Variants in RCOR3 observed in about 807,000 individuals in gnomAD.
The protein encoded by RCOR3 is REST corepressor 3.
In RCOR3, 13 loss-of-function variants were observed where a neutral mutation model predicts 64.1. That is an observed-to-expected ratio of 0.20 (90% confidence interval 0.13 to 0.32). The LOEUF is 0.32. RCOR3 is among the 10% of genes least tolerant of loss of function. The probability of loss-of-function intolerance (pLI) is 1.00; values close to 1 mark genes in which losing one functional copy is unlikely to be tolerated. For missense variants in RCOR3, 489 were observed against 701.2 expected, an observed-to-expected ratio of 0.70 and a Z score of 3.42; for synonymous variants, 215 against 239.0, an observed-to-expected ratio of 0.90 and a Z score of 0.93.
At chr1:211,271,560 T>C in intron 3 of RCOR3, 1 of 569,372 alleles carries the variant, frequency 1.8e-6, no homozygotes, top group Non-Finnish European at 3.3e-6. Context: ...TAGGATCTGA[T>C]GGCATTGCTG....
Position 211,259,381 on chromosome 1 carries a change from C to T in RCOR3, c.-180C>T. ...GCCGGGGCGGGTTGTTGTGAGGCGA[C>T]TGCGCTACTGCCGGAGCGGGGCGGT... On this transcript the variant is annotated 5_prime_UTR_variant, in exon 1 of 12. Transcript: ENST00000419091. 1 of 574,544 alleles carries T rather than the reference C, an allele frequency of 1.7e-6. No individual in the cohort carries two copies. The allele number at this position is 574,544 out of a possible 1,614,324, so 35.6% of individuals were successfully genotyped here. A position where few individuals can be genotyped will look rare whatever the true frequency, so the allele number is the denominator to read the frequency against.
intron 9 of RCOR3, among the ~76,000 whole-genome samples, chr1:211,299,745 ATAT>A (rs1396472339): frequency 2.0e-5 from 3 of 152,026 alleles, no homozygotes; most frequent in East Asian, 1.9e-4. Flanking sequence ...GTCTTATTTT[ATAT>A]TATTATGTTA....
chr1:211,311,383 A>C (rs1178641041), intron 10 of RCOR3, among the ~76,000 whole-genome samples: 1 of 152,144 alleles, frequency 6.6e-6, no homozygotes, highest in East Asian at 1.9e-4. Context: ...AGAGGATAAT[A>C]ATGTCAGACC....
intron 9 of RCOR3, chr1:211,303,521 T>TATC (rs1252353223): frequency 6.6e-6 from 1 of 152,416 alleles, no homozygotes; most frequent in Non-Finnish European, 1.5e-5. Flanking sequence ...ACTCAGTGGG[T>TATC]ATACACTAAT....
At chr1:211,276,205 G>A in intron 4 of RCOR3, 52 bp from the exon 5 acceptor site, 1 of 1,520,832 alleles carries the variant, frequency 6.6e-7, no homozygotes, top group African/African-American at 1.4e-5. Context: ...TTTCTTAAGT[G>A]TGATGGAACA....
intron 7 of RCOR3, among the ~76,000 whole-genome samples, chr1:211,284,811 A>G (rs1364816062): frequency 6.6e-6 from 1 of 152,148 alleles, no homozygotes; most frequent in African/African-American, 2.4e-5. Context: ...TGTGAGCCCT[A>G]CCATGCCTGG....
intron 2 of RCOR3, among the ~76,000 whole-genome samples, chr1:211,260,560 C>T (rs1276658151): frequency 6.6e-6 from 1 of 152,244 alleles, no homozygotes; most frequent in East Asian, 1.9e-4. Context: ...CGCCCCGGCG[C>T]CGAGGGCCGC....
intron 9 of RCOR3, among the ~76,000 whole-genome samples, chr1:211,297,620 C>G (rs1434165596): frequency 6.6e-6 from 1 of 151,990 alleles, no homozygotes; most frequent in African/African-American, 2.4e-5. Flanking sequence ...AATAAAATAA[C>G]CAAAATGTTA....
intron 7 of RCOR3, among the ~76,000 whole-genome samples, chr1:211,287,389 G>A (rs1405531992): frequency 1.3e-5 from 2 of 152,080 alleles, no homozygotes; most frequent in Non-Finnish European, 2.9e-5. Flanking sequence ...TCTCCCTCTG[G>A]ATTCTTGCTT....
rs1187725384 is a variant in RCOR3, at chr1:211,315,577, A to G, written c.*1809A>G. On this transcript the variant is annotated 3_prime_UTR_variant, in exon 12 of 12. Transcript: ENST00000419091. The stretch of plus-strand genomic sequence containing the variant: ...ACAGTTAAATATCTTAAAATATCTA[A>G]AACATTTTTTAAAGCACTTAGATTG... 6.6e-6 allele frequency: 1 copy of G among 152,188 alleles called. No homozygotes were observed. Among genetic ancestry groups the G allele is most frequent in the Non-Finnish European group, 1.5e-5 (1 of 68,018 alleles). The allele number at this position is 152,188 out of a possible 1,614,324, so 9.4% of individuals were successfully genotyped here.
Position 211,313,065 on chromosome 1 carries a change from T to G in RCOR3, c.1317+104T>G. On this transcript the variant is annotated intron_variant, in intron 11 of 11. Transcript: ENST00000419091. This position sits in a 1 kb window ranked among gnomAD's most constrained non-coding sequence, Gnocchi z 4.7. ...TCAAGAGGACTAGCTAAATTGAGCA[T>G]GAAAGGTTGACAATACACTTCTTCA... 6.3e-7 allele frequency: 1 copy of G among 1,576,096 alleles called. No individual in the cohort carries two copies. Among genetic ancestry groups the G allele is most frequent in the Non-Finnish European group, 8.6e-7 (1 of 1,162,120 alleles).
At chr1:211,311,265 G>C (rs1264590165) in intron 10 of RCOR3, among the ~76,000 whole-genome samples, 1 of 152,056 alleles carries the variant, frequency 6.6e-6, no homozygotes. Context: ...TATAAACGAT[G>C]TCTATCATTG....
intron 8 of RCOR3, among the ~76,000 whole-genome samples, chr1:211,292,378 A>T (rs1008967074): frequency 6.6e-6 from 1 of 152,240 alleles, no homozygotes; most frequent in African/African-American, 2.4e-5. Flanking sequence ...AAAACTTCTA[A>T]ATCATTTGCT....
At chr1:211,305,576 T>C (rs565633185) in intron 10 of RCOR3, among the ~76,000 whole-genome samples, 27 of 152,206 alleles carry the variant, frequency 1.8e-4, no homozygotes, top group Non-Finnish European at 3.4e-4. Context: ...ATTTCCAGTA[T>C]TCAGTTGTTT....
Position 211,313,446 on chromosome 1 carries a change from G to C in RCOR3, c.1340G>C (p.Arg447Pro). 2 of 1,613,550 alleles carry C rather than the reference G, an allele frequency of 1.2e-6. No individual in the cohort carries two copies. Among genetic ancestry groups the C allele is most frequent in the South Asian group, 2.2e-5 (2 of 90,982 alleles). ...EEEAQTPQAP[R>P]TLGPSPPAPS... ...TAGGCACAGACCCCACAGGCTCCTCGGACACTGGGTCCATCACCTCCTGCC... is the reference window on the plus strand; with the variant it reads ...TAGGCACAGACCCCACAGGCTCCTCCGACACTGGGTCCATCACCTCCTGCC... The change falls in exon 12 of 12, where the codon CGG becomes CCG. Residue 447 changes from arginine (R) to proline (P), a missense_variant. By Grantham distance (103) the Arg-to-Pro change is moderately radical. Around this residue, in one of 2 missense-constraint regions of RCOR3, gnomAD observed 402 missense variants for 617.0 expected, o/e 0.65. Transcript: ENST00000419091. This position sits in a 1 kb window ranked among gnomAD's most constrained non-coding sequence, Gnocchi z 4.7.
intron 2 of RCOR3, among the ~76,000 whole-genome samples, chr1:211,265,677 C>T (rs1695069760): frequency 6.6e-6 from 1 of 152,092 alleles, no homozygotes; most frequent in Admixed American, 6.6e-5. Context: ...CGAGATTGCA[C>T]CATTGCACTC....
chr1:211,286,765 A>G (rs1698605826), intron 7 of RCOR3, among the ~76,000 whole-genome samples: 1 of 152,124 alleles, frequency 6.6e-6, no homozygotes, highest in Non-Finnish European at 1.5e-5. Flanking sequence ...TTTATATACT[A>G]GTTTTGTGCA....
rs369011529 is a variant in RCOR3 at position 211,313,397 on chromosome 1, C to A, written c.1318-27C>A. On this transcript the variant is annotated intron_variant, in intron 11 of 11. Transcript: ENST00000419091. The surrounding 1 kb of genome is among the most constrained non-coding windows in gnomAD (Gnocchi z 4.7). ...AGTTCATTAGGACTTACATCTCATA[C>A]GTGTATTTTTGTTTCCTCACCTCTA... 12 of 1,594,646 alleles carry A rather than the reference C, an allele frequency of 7.5e-6. 1 individual carries two copies. Among genetic ancestry groups the A allele is most frequent in the Non-Finnish European group, 1.0e-5 (12 of 1,168,070 alleles).
rs983588614 is a variant in RCOR3, at chr1:211,259,461, T to TCCC, written c.-98_-97insCCC. On this transcript the variant is annotated 5_prime_UTR_variant, in exon 1 of 12. Coordinates refer to ENST00000419091, the MANE Select transcript of RCOR3 (RefSeq NM_001136223.3). ...CTCCTCCGCCGCCGCCGCCGTCTCC[T>TCCC]CCTCCTCCTCCTTTCCCTCCCGCCC... is the stretch of plus-strand genomic sequence containing the variant. The TCCC allele has an allele frequency of 8.2e-7, 1 of 1,218,436 alleles. No homozygotes were observed. Among genetic ancestry groups the TCCC allele is most frequent in the Non-Finnish European group, 1.1e-6 (1 of 891,158 alleles). The allele number at this position is 1,218,436 out of a possible 1,614,324, so 75.5% of individuals were successfully genotyped here.
Sources: allele counts gnomAD v4.1 joint callset (sites outside exome capture counted in the v4.1 genomes callset), GRCh38; gene constraint gnomAD v4.1.1; regional missense constraint gnomAD v4.1.1; non-coding constraint Gnocchi (gnomAD v3.1); transcripts MANE v1.5; gene names NCBI Gene and HGNC (gene_info 2026-07-23, HGNC 2026-07-21).